The following ZBTB46 variants were observed in gnomAD, a reference collection of about 807,000 sequenced individuals.
The protein encoded by ZBTB46 is zinc finger and BTB domain containing 46.
Under a neutral mutation model 44.1 loss-of-function variants are expected in ZBTB46, and 8 were observed. The observed-to-expected ratio is 0.18, with a 90% CI of 0.11 to 0.33. The LOEUF (loss-of-function observed/expected upper bound fraction) is 0.33, where lower values mean the gene tolerates loss of function less well. Among genes scored for constraint, ZBTB46 ranks in the 10% least tolerant of loss-of-function variants. The pLI is 1.00. For missense variants in ZBTB46, 651 were observed against 847.7 expected (o/e 0.77, Z 2.88); for synonymous variants, 409 against 382.3 (o/e 1.07, Z -0.81).
intron 1 of ZBTB46, among the ~76,000 whole-genome samples, chr20:63,793,695 A>C (rs1261798017): frequency 6.6e-6 from 1 of 152,184 alleles, no homozygotes; most frequent in Non-Finnish European, 1.5e-5. Flanking sequence ...AACGGTCCAC[A>C]CCTCCACGTA....
At position 63,790,779 on chromosome 20, in the gene ZBTB46, C is replaced by T. The variant is rs1044764942; in HGVS notation, c.-22G>A. The T allele has an allele frequency of 1.3e-6, 2 of 1,574,722 alleles. No homozygotes were observed. On this transcript the variant is annotated 5_prime_UTR_variant, in exon 2 of 5. Coordinates refer to ENST00000245663, the MANE Select transcript of ZBTB46 (RefSeq NM_001369741.1). ...TCATTTGGAAGCCCTGGTGTCGCCT[C>T]TTCTACAGACTCTGTGGAGGTAAGA... is the stretch of plus-strand genomic sequence containing the variant.
chr20:63,815,714 G>A (rs1411024773), intron 1 of ZBTB46, among the ~76,000 whole-genome samples: 1 of 126,514 alleles, frequency 7.9e-6, no homozygotes, highest in South Asian at 2.8e-4. Flanking sequence ...GGCGCAGGTC[G>A]AGTGGGTGCA....
At chr20:63,782,208 G>GAGCCC in intron 2 of ZBTB46, among the ~76,000 whole-genome samples, 1 of 73,528 alleles carries the variant, frequency 1.4e-5, no homozygotes, top group African/African-American at 4.5e-5. Flanking sequence ...CCCCCGAGCC[G>GAGCCC]TGGTTTTGCC....
At chr20:63,785,359 G>T (rs1432701665) in intron 2 of ZBTB46, among the ~76,000 whole-genome samples, 1 of 151,490 alleles carries the variant, frequency 6.6e-6, no homozygotes, top group Admixed American at 6.6e-5. Context: ...TCAGGAGTTC[G>T]AGACAAGCCT....
intron 3 of ZBTB46, among the ~76,000 whole-genome samples, chr20:63,770,752 G>T (rs899890523): frequency 2.0e-5 from 3 of 152,178 alleles, no homozygotes; most frequent in African/African-American, 7.2e-5. Flanking sequence ...GCAGGCGGTG[G>T]GATCCCCACC....
chr20:63,810,173 A>C (rs2092709642), intron 1 of ZBTB46, among the ~76,000 whole-genome samples: 1 of 152,062 alleles, frequency 6.6e-6, no homozygotes, highest in Non-Finnish European at 1.5e-5. Context: ...CCAAAAAGCT[A>C]ATTGGTTCCA....
In ZBTB46 at chr20:63,746,972, G is replaced by T. The variant is rs1378094576; in HGVS notation, c.1728C>A (p.Ser576Arg). Residue 576 changes from serine (S) to arginine (R), a missense_variant, in exon 5 of 5, where the codon AGC (serine) becomes AGA (arginine). Physicochemically the swap from Ser to Arg is moderately radical, Grantham distance 110 (BLOSUM62 -1). Transcript: ENST00000245663. ...KDEEDSPRPR[S>R]PPGGPDKDFA... The stretch of plus-strand genomic sequence containing the variant: ...AGTCCTTGTCAGGGCCTCCTGGGGG[G>T]CTGCGCGGCCGCGGCGAGTCTTCCT... The T allele has an allele frequency of 6.3e-7, 1 of 1,599,556 alleles. No homozygotes were observed. The highest frequency in any genetic ancestry group is 1.1e-5 in the South Asian group (1 of 89,802).
intron 1 of ZBTB46, among the ~76,000 whole-genome samples, chr20:63,815,605 G>T (rs1320119047): frequency 8.2e-5 from 12 of 145,642 alleles, no homozygotes; most frequent in African/African-American, 2.8e-4. Flanking sequence ...GTGGGTGCAG[G>T]TGGGCACAGG....
chr20:63,760,471 G>GC (rs2092263377), intron 3 of ZBTB46, among the ~76,000 whole-genome samples: 1 of 144,442 alleles, frequency 6.9e-6, no homozygotes, highest in African/African-American at 2.5e-5. Context: ...CAGTGTTTTT[G>GC]TTTTTTTTTT....
chr20:63,789,443 A>G (rs1167802548), intron 2 of ZBTB46, among the ~76,000 whole-genome samples: 1 of 152,194 alleles, frequency 6.6e-6, no homozygotes, highest in African/African-American at 2.4e-5. Flanking sequence ...GGAGGGTCCC[A>G]CAGGCCAGGG....
intron 1 of ZBTB46, among the ~76,000 whole-genome samples, chr20:63,806,320 T>C (rs572385433): frequency 6.7e-6 from 1 of 148,922 alleles, no homozygotes; most frequent in South Asian, 2.1e-4. Flanking sequence ...TGCAGGAAAA[T>C]TGCTTGAACC....
rs544868416 is a variant in ZBTB46, at chr20:63,803,086, A to G, written c.-33-12296T>C. ...CTGGGCAGCTCTGCCCACTCTTGCG[A>G]AGAAACCCACCAACCCGGCTCCCCC... On this transcript the variant is annotated intron_variant, in intron 1 of 4. Transcript: ENST00000245663. The surrounding 1 kb of genome is among the most constrained non-coding windows in gnomAD (Gnocchi z 4.0). Among the ~76,000 whole-genome samples, 1 of 152,216 alleles carries G rather than the reference A, an allele frequency of 6.6e-6. No homozygotes were observed. Among genetic ancestry groups the G allele is most frequent in the Admixed American group, 6.5e-5 (1 of 15,288 alleles).
intron 1 of ZBTB46, among the ~76,000 whole-genome samples, chr20:63,830,248 C>T (rs1036730591): frequency 2.0e-5 from 3 of 152,320 alleles, no homozygotes; most frequent in Admixed American, 2.0e-4. Flanking sequence ...AGCAGGAGCC[C>T]TCCCTCTGGC....
chr20:63,760,481 T>C (rs2092263633), intron 3 of ZBTB46, among the ~76,000 whole-genome samples: 1 of 152,168 alleles, frequency 6.6e-6, no homozygotes, highest in Non-Finnish European at 1.5e-5. Flanking sequence ...GTTTTTTTTT[T>C]TTGAGACAGA....
chr20:63,801,820 A>G (rs1396905614), intron 1 of ZBTB46, among the ~76,000 whole-genome samples: 2 of 152,212 alleles, frequency 1.3e-5, no homozygotes, highest in African/African-American at 4.8e-5. Context: ...CCAATTCCAG[A>G]CACAATGGGG....
intron 2 of ZBTB46, among the ~76,000 whole-genome samples, chr20:63,779,135 C>T (rs2092448090): frequency 2.6e-5 from 4 of 152,194 alleles, no homozygotes; most frequent in Admixed American, 1.3e-4. Context: ...CAGACGCAGC[C>T]ACACGGGGGC....
chr20:63,822,562 C>T (rs757565529), intron 1 of ZBTB46, among the ~76,000 whole-genome samples: 9 of 152,188 alleles, frequency 5.9e-5, no homozygotes, highest in Admixed American at 2.0e-4. Flanking sequence ...CACCCTCCCA[C>T]GCTTGGGTTT....
chr20:63,804,665 A>C (rs1051131661), intron 1 of ZBTB46, among the ~76,000 whole-genome samples: 1 of 152,036 alleles, frequency 6.6e-6, no homozygotes, highest in Non-Finnish European at 1.5e-5. Flanking sequence ...AGGCCAAGGC[A>C]GGTGGATCAC....
rs566507258 is a variant in ZBTB46, at chr20:63,803,936, C to T, written c.-33-13146G>A. 6.6e-6 allele frequency among the ~76,000 whole-genome samples: 1 copy of T among 152,298 alleles called. No homozygotes were observed. Among genetic ancestry groups the T allele is most frequent in the East Asian group, 1.9e-4 (1 of 5,180 alleles). On this transcript the variant is annotated intron_variant, in intron 1 of 4. Coordinates refer to ENST00000245663, the MANE Select transcript of ZBTB46 (RefSeq NM_001369741.1). This position sits in a 1 kb window ranked among gnomAD's most constrained non-coding sequence, Gnocchi z 4.0. ...CCCAGGTTGGTCTTGAATTCCTAAACGAACCTGCCGCCCTGGCTTCTCAAA... is the reference window on the plus strand; with the variant it reads ...CCCAGGTTGGTCTTGAATTCCTAAATGAACCTGCCGCCCTGGCTTCTCAAA...
Sources: allele counts gnomAD v4.1 joint callset (sites outside exome capture counted in the v4.1 genomes callset), GRCh38; gene constraint gnomAD v4.1.1; non-coding constraint Gnocchi (gnomAD v3.1); transcripts MANE v1.5; gene names NCBI Gene and HGNC (gene_info 2026-07-23, HGNC 2026-07-21).